Variants in PDCD11 observed in about 807,000 individuals in gnomAD.
The protein encoded by PDCD11 is programmed cell death 11.
PDCD11 carries 97 observed loss-of-function variants against 198.9 expected under a neutral mutation model. The ratio of observed to expected loss-of-function variants is 0.49; its 90% CI spans 0.41 to 0.58. PDCD11 has a LOEUF of 0.58. Among genes scored for constraint, PDCD11 ranks in the 20% least tolerant of loss-of-function variants. The probability of loss-of-function intolerance (pLI) is 0.00; values close to 1 mark genes in which losing one functional copy is unlikely to be tolerated. For missense variants in PDCD11, 2,102 were observed against 2,312.7 expected (o/e 0.91, Z 1.87); for synonymous variants, 893 against 918.0 (o/e 0.97, Z 0.49).
chr10:103,442,167 G>A, intron 31 of PDCD11, 46 bp from the exon 32 acceptor site: 1 of 1,607,510 alleles, frequency 6.2e-7, no homozygotes, highest in Non-Finnish European at 8.5e-7. Context: ...CCTCCCCTAG[G>A]CCTTGAGGAG....
intron 28 of PDCD11, 105 bp downstream of exon 28, chr10:103,439,973 C>T (rs1333097141): frequency 1.2e-5 from 16 of 1,364,110 alleles, no homozygotes; most frequent in South Asian, 2.5e-5. Flanking sequence ...TAATGGCTTG[C>T]GTAGTGGTGT....
intron 3 of PDCD11, among the ~76,000 whole-genome samples, chr10:103,400,854 A>G (rs962122321): frequency 1.2e-4 from 18 of 152,262 alleles, no homozygotes; most frequent in African/African-American, 4.3e-4. Flanking sequence ...GGCTCAAGCA[A>G]TCTTCCTGCC....
At chr10:103,414,416 C>T (rs1564762541) in intron 11 of PDCD11, 86 bp downstream of exon 11, 2 of 873,640 alleles carry the variant, frequency 2.3e-6, no homozygotes, top group Non-Finnish European at 3.8e-6. Context: ...CCCGTTAGTC[C>T]TCATGTTAAC....
In PDCD11 at chr10:103,439,759, G is replaced by T. The variant is rs916999959; in HGVS notation, c.4039G>T (p.Val1347Phe). The change falls in exon 28 of 36, where the codon GTT becomes TTT. Residue 1347 changes from valine to phenylalanine, a missense_variant. Physicochemically the swap from Val to Phe is conservative, Grantham distance 50 (BLOSUM62 -1). Transcript: ENST00000369797. The part of the protein sequence containing the change: ...HGVFFRLGPS[V>F]VGLARYSHVS... Reference sequence around the variant, plus strand: ...CTCTCCTTTCAGCCTTGGCCCCTCCGTTGTGGGTTTGGCTCGGTACTCCCA... The same window carrying T: ...CTCTCCTTTCAGCCTTGGCCCCTCCTTTGTGGGTTTGGCTCGGTACTCCCA... 3 of 1,613,962 alleles carry T rather than the reference G, an allele frequency of 1.9e-6. No individual in the cohort carries two copies. Among genetic ancestry groups the T allele is most frequent in the Non-Finnish European group, 2.5e-6 (3 of 1,180,032 alleles).
intron 5 of PDCD11, 68 bp downstream of exon 5, chr10:103,405,251 C>A: frequency 6.7e-7 from 1 of 1,491,514 alleles, no homozygotes; most frequent in South Asian, 1.2e-5. Context: ...GGAGCGTGGT[C>A]TAGGCCACCT....
chr10:103,414,222 C>T (rs1377394436), intron 10 of PDCD11, 48 bp from the exon 11 acceptor site: 4 of 1,587,230 alleles, frequency 2.5e-6, no homozygotes, highest in Non-Finnish European at 3.5e-6. Context: ...GAATTTTAGG[C>T]AACCTCTGCC....
At chr10:103,434,138 T>G in intron 23 of PDCD11, 101 bp downstream of exon 23, 1 of 1,234,956 alleles carries the variant, frequency 8.1e-7, no homozygotes, top group East Asian at 2.3e-5. Flanking sequence ...AGCTTGTTCT[T>G]TATTTAAGGG....
At chr10:103,418,405 C>A (rs757339881) in intron 14 of PDCD11, 35 bp from the exon 15 acceptor site, 8 of 1,545,612 alleles carry the variant, frequency 5.2e-6, no homozygotes, top group Non-Finnish European at 7.1e-6. Context: ...CTGTTCATGA[C>A]AAGTGCTATT....
chr10:103,420,881 G>GTT (rs567526972), intron 16 of PDCD11, among the ~76,000 whole-genome samples: 1 of 142,844 alleles, frequency 7.0e-6, no homozygotes, highest in Non-Finnish European at 1.5e-5. Context: ...TTTTGTTTTT[G>GTT]TTTTTTTTTT....
At position 103,407,741 on chromosome 10, in the gene PDCD11, C is replaced by T. The variant is rs558715394; in HGVS notation, c.870+951C>T. ...CATGACTTTCTTTTTTTTTTTGAGACGGAGGCTCGCCCTGTTGCCCAGGCT... is the reference window on the plus strand; with the variant it reads ...CATGACTTTCTTTTTTTTTTTGAGATGGAGGCTCGCCCTGTTGCCCAGGCT... On this transcript the variant is annotated intron_variant, in intron 7 of 35. Coordinates refer to ENST00000369797, the MANE Select transcript of PDCD11 (RefSeq NM_014976.2). Among the ~76,000 whole-genome samples, 18 of 151,094 alleles carry T rather than the reference C, an allele frequency of 1.2e-4. No homozygotes were observed. In the South Asian group the frequency reaches 1.5e-3, roughly 12 times the overall value.
chr10:103,422,055 TTTATTATTATTATTATTATTATTA>T (rs201558637), intron 17 of PDCD11, among the ~76,000 whole-genome samples: 1 of 127,478 alleles, frequency 7.8e-6, no homozygotes, highest in African/African-American at 3.0e-5. Flanking sequence ...AGTGCACAAT[TTTATTATTATTATTATTATTATTA>T]TTATTATTAT....
intron 21 of PDCD11, among the ~76,000 whole-genome samples, chr10:103,431,245 T>C (rs1249617501): frequency 6.6e-6 from 1 of 152,180 alleles, no homozygotes; most frequent in Admixed American, 6.5e-5. Flanking sequence ...GAGGTGATTG[T>C]GGACTGATAA....
chr10:103,441,789 G>C (rs756636844), intron 30 of PDCD11, 37 bp from the exon 31 acceptor site: 4 of 1,599,500 alleles, frequency 2.5e-6, no homozygotes, highest in Non-Finnish European at 3.4e-6. Flanking sequence ...AGCAGCCTGA[G>C]CCAGGTGCTT....
intron 22 of PDCD11, among the ~76,000 whole-genome samples, chr10:103,432,779 C>G (rs2031990334): frequency 6.6e-6 from 1 of 152,160 alleles, no homozygotes; most frequent in Non-Finnish European, 1.5e-5. Context: ...ATGCTTGATC[C>G]CTTCAGTTAC....
intron 20 of PDCD11, among the ~76,000 whole-genome samples, chr10:103,426,941 A>AAT (rs1554879236): frequency 6.7e-6 from 1 of 150,056 alleles, no homozygotes; most frequent in Non-Finnish European, 1.5e-5. Context: ...AAAAAAAAAT[A>AAT]AATAAATAAA....
rs997526210 is a variant in PDCD11, at chr10:103,425,369, A to T, written c.3149A>T (p.His1050Leu). 3 of 1,614,002 alleles carry T rather than the reference A, an allele frequency of 1.9e-6. No individual in the cohort carries two copies. The highest frequency in any genetic ancestry group is 2.5e-6 in the Non-Finnish European group (3 of 1,180,038). Residue 1050 changes from histidine (H) to leucine (L), a missense_variant, in exon 20 of 36, where the codon CAT (histidine) becomes CTT (leucine). Coordinates refer to ENST00000369797, the MANE Select transcript of PDCD11 (RefSeq NM_014976.2). ...ACTGTCAAGTCCATTAAGCCTACCCATGTGGTTGTGACTCTGGAAGATGGC... is the reference window on the plus strand; with the variant it reads ...ACTGTCAAGTCCATTAAGCCTACCCTTGTGGTTGTGACTCTGGAAGATGGC... Reference protein sequence around the residue: ...TGTVKSIKPTHVVVTLEDGII... With the variant: ...TGTVKSIKPTLVVVTLEDGII...
intron 13 of PDCD11, among the ~76,000 whole-genome samples, chr10:103,417,012 G>C (rs558528188): frequency 2.0e-5 from 3 of 152,290 alleles, no homozygotes; most frequent in Admixed American, 1.3e-4. Flanking sequence ...TCTCATATCG[G>C]AAATTGTTTT....
intron 3 of PDCD11, 150 bp from the exon 4 acceptor site, chr10:103,402,968 G>C: frequency 1.4e-6 from 1 of 704,056 alleles, no homozygotes; most frequent in South Asian, 2.0e-5. Flanking sequence ...CAGTCCTCCT[G>C]CCTTGGCCAC....
Position 103,438,731 on chromosome 10 carries a change from C to T in PDCD11, c.3948C>T (p.Asn1316=), listed in dbSNP as rs1275428781. The change falls in exon 27 of 36, where the codon AAC becomes AAT. Residue 1316 remains asparagine, a synonymous_variant. Transcript: ENST00000369797. The part of the protein sequence containing the change: ...TKSKVEDPEI[N]SIQDIKEGQL... ...GCAAAGTAGAAGATCCAGAGATTAA[C>T]TCCATCCAGGACATTAAGGAAGGGC... The T allele has an allele frequency of 6.2e-7, 1 of 1,614,162 alleles. No individual in the cohort carries two copies. The highest frequency in any genetic ancestry group is 1.1e-5 in the South Asian group (1 of 91,088).
Sources: gnomAD v4.1 joint callset for allele counts (sites outside exome capture counted in the v4.1 genomes callset) on GRCh38, gnomAD v4.1.1 for gene constraint, MANE v1.5 for transcripts, NCBI Gene and HGNC (gene_info 2026-07-23, HGNC 2026-07-21) for gene names.